TRABD2B: variants seen among roughly 807,000 people sequenced by gnomAD.
TRABD2B encodes the protein metalloprotease TIKI2.
A neutral mutation model predicts 40.1 loss-of-function variants in TRABD2B; 14 were observed. That is an observed-to-expected ratio of 0.35 (90% CI 0.23 to 0.55). TRABD2B has a LOEUF of 0.55. TRABD2B is among the 20% of genes least tolerant of loss of function. TRABD2B has a pLI of 0.90. For synonymous variants in TRABD2B, 263 were observed against 277.0 expected, an observed-to-expected ratio of 0.95 and a Z score of 0.50; for missense variants, 541 against 648.6, an observed-to-expected ratio of 0.83 and a Z score of 1.80.
At chr1:47,970,565 T>C (rs1570391707) in intron 2 of TRABD2B, among the ~76,000 whole-genome samples, 1 of 152,342 alleles carries the variant, frequency 6.6e-6, no homozygotes. Context: ...GCCCTTCTCA[T>C]CTGTACTGGT....
chr1:47,820,867 TC>T, intron 2 of TRABD2B, among the ~76,000 whole-genome samples: 1 of 152,126 alleles, frequency 6.6e-6, no homozygotes, highest in Non-Finnish European at 1.5e-5. Flanking sequence ...AATTATTATT[TC>T]AGTTTTTAAA....
At chr1:47,849,775 C>T (rs1027050689) in intron 2 of TRABD2B, among the ~76,000 whole-genome samples, 8 of 152,332 alleles carry the variant, frequency 5.3e-5, no homozygotes, top group South Asian at 4.1e-4. Context: ...CCCCTGAAGG[C>T]CAACGTGGCT....
intron 2 of TRABD2B, among the ~76,000 whole-genome samples, chr1:47,950,305 A>C (rs1570351412): frequency 6.6e-6 from 1 of 152,070 alleles, no homozygotes; most frequent in East Asian, 1.9e-4. Context: ...AAAAATAATA[A>C]TAAAAAGAAA....
Position 47,993,554 on chromosome 1 carries a change from A to G in TRABD2B, c.666+480T>C, listed in dbSNP as rs1195758881. 2.6e-5 allele frequency among the ~76,000 whole-genome samples: 4 copies of G among 151,966 alleles called. No individual in the cohort carries two copies. The East Asian group carries it at 7.8e-4, about 30-fold the overall frequency. On this transcript the variant is annotated intron_variant, in intron 2 of 6. Coordinates refer to ENST00000606738, the MANE Select transcript of TRABD2B (RefSeq NM_001194986.2). ...TGCTTAACCTCAAATGGCAAGCAGCACTCTACTGTCGCCAGGTCCCAGGCA... is the reference window on the plus strand; with the variant it reads ...TGCTTAACCTCAAATGGCAAGCAGCGCTCTACTGTCGCCAGGTCCCAGGCA...
At chr1:47,971,449 G>A (rs548739059) in intron 2 of TRABD2B, among the ~76,000 whole-genome samples, 10 of 152,122 alleles carry the variant, frequency 6.6e-5, no homozygotes, top group African/African-American at 9.7e-5. Context: ...GATCTCTCTC[G>A]CCAATCTGAA....
chr1:47,984,505 G>A lies in TRABD2B; in HGVS notation c.666+9529C>T, dbSNP rs115515590. Among the ~76,000 whole-genome samples, 670 of 152,372 alleles carry A rather than the reference G, an allele frequency of 4.4e-3. 4 individuals are homozygous for A. The highest frequency in any genetic ancestry group is 0.015 in the African/African-American group (631 of 41,590). ...GGCACAGTCATGCAAGCCTCCCGGGGGAGCGCCAAGGTGAACTGGAGGTGG... is the reference window on the plus strand; with the variant it reads ...GGCACAGTCATGCAAGCCTCCCGGGAGAGCGCCAAGGTGAACTGGAGGTGG... On this transcript the variant is annotated intron_variant, in intron 2 of 6. Transcript: ENST00000606738.
intron 2 of TRABD2B, among the ~76,000 whole-genome samples, chr1:47,854,169 G>C (rs1292147604): frequency 3.9e-5 from 6 of 152,166 alleles, no homozygotes; most frequent in Non-Finnish European, 8.8e-5. Context: ...TGTAAAATGG[G>C]GACGGTCTCC....
At position 47,851,745 on chromosome 1, in the gene TRABD2B, C is replaced by T. The variant is rs563117590; in HGVS notation, c.667-50126G>A. On this transcript the variant is annotated intron_variant, in intron 2 of 6. Transcript: ENST00000606738. ...TGTGTACATATCCCACAGAGGCTGA[C>T]CTACTAAGTACTAGACATGAGCAAA... Among the ~76,000 whole-genome samples the T allele has an allele frequency of 2.8e-4, 43 of 152,342 alleles. 1 individual carries two copies. The highest frequency in any genetic ancestry group is 3.4e-3 in the Middle Eastern group (1 of 294).
At chr1:47,961,599 G>A (rs919418155) in intron 2 of TRABD2B, among the ~76,000 whole-genome samples, 2 of 152,158 alleles carry the variant, frequency 1.3e-5, no homozygotes, top group Non-Finnish European at 2.9e-5. Flanking sequence ...GCAACCAACA[G>A]ACATGTGAAA....
chr1:47,818,765 G>A (rs556527006), intron 2 of TRABD2B: 1 of 152,350 alleles, frequency 6.6e-6, no homozygotes, highest in East Asian at 1.9e-4. Flanking sequence ...AGAATCACAG[G>A]CGGGTGGAAT....
At chr1:47,820,729 G>A (rs1459624215) in intron 2 of TRABD2B, among the ~76,000 whole-genome samples, 7 of 151,464 alleles carry the variant, frequency 4.6e-5, no homozygotes, top group Non-Finnish European at 1.0e-4. Flanking sequence ...GGTGGGAATA[G>A]CAACGTTAAG....
chr1:47,835,426 G>A (rs1473073303), intron 2 of TRABD2B, among the ~76,000 whole-genome samples: 2 of 152,068 alleles, frequency 1.3e-5, no homozygotes, highest in African/African-American at 4.8e-5. Flanking sequence ...ACACAACCAA[G>A]AAGCTCAGTG....
At chr1:47,984,507 A>G (rs560342703) in intron 2 of TRABD2B, among the ~76,000 whole-genome samples, 66 of 152,226 alleles carry the variant, frequency 4.3e-4, no homozygotes, top group African/African-American at 1.6e-3. Flanking sequence ...CTCCCGGGGG[A>G]GCGCCAAGGT....
chr1:47,946,162 A>T (rs566246224), intron 2 of TRABD2B, among the ~76,000 whole-genome samples: 7 of 152,260 alleles, frequency 4.6e-5, no homozygotes, highest in Non-Finnish European at 1.0e-4. Context: ...ATCTTTTATT[A>T]TGGTACTTAC....
At chr1:47,909,507 AAGG>A (rs1297351746) in intron 2 of TRABD2B, among the ~76,000 whole-genome samples, 1 of 72,768 alleles carries the variant, frequency 1.4e-5, no homozygotes, top group Non-Finnish European at 2.9e-5. Context: ...GAAGGAGGAG[AAGG>A]AGAAGGGGGA....
intron 3 of TRABD2B, among the ~76,000 whole-genome samples, chr1:47,799,488 T>C (rs963444269): frequency 2.6e-5 from 4 of 152,112 alleles, no homozygotes; most frequent in African/African-American, 9.7e-5. Context: ...TCTCTTTCAT[T>C]CTCTATGCTG....
chr1:47,768,124 C>G (rs1377701243), intron 6 of TRABD2B, among the ~76,000 whole-genome samples: 3 of 152,260 alleles, frequency 2.0e-5, no homozygotes, highest in African/African-American at 7.2e-5. Context: ...CCCCATCCCT[C>G]TCTCCCTTTA....
rs1319248396 is a variant in TRABD2B, at chr1:47,874,463, G to A, written c.667-72844C>T. ...AATTTTTTGTATTTTTAGTAGAGACGGGGTTTCACCTTGTTAGCCAGGATG... is the reference window on the plus strand; with the variant it reads ...AATTTTTTGTATTTTTAGTAGAGACAGGGTTTCACCTTGTTAGCCAGGATG... On this transcript the variant is annotated intron_variant, in intron 2 of 6. Coordinates refer to ENST00000606738, the MANE Select transcript of TRABD2B (RefSeq NM_001194986.2). Among the ~76,000 whole-genome samples, 41 of 149,584 alleles carry A rather than the reference G, an allele frequency of 2.7e-4. No individual in the cohort carries two copies. The Middle Eastern group carries it at 0.01, about 38-fold the overall frequency.
Position 47,904,297 on chromosome 1 carries a change from G to C in TRABD2B, c.666+89737C>G, listed in dbSNP as rs140662746. ...AAATAGCATGATCAATGGCTGGGAT[G>C]GGGGAAGCACAGAGTGTGGTGGAGG... On this transcript the variant is annotated intron_variant, in intron 2 of 6. Coordinates refer to ENST00000606738, the MANE Select transcript of TRABD2B (RefSeq NM_001194986.2). 2.3e-3 allele frequency among the ~76,000 whole-genome samples: 347 copies of C among 152,272 alleles called. 2 individuals carry two copies. Among genetic ancestry groups the C allele is most frequent in the African/African-American group, 7.9e-3 (330 of 41,552 alleles).
Sources: gnomAD v4.1 joint callset for allele counts (sites outside exome capture counted in the v4.1 genomes callset) on GRCh38, gnomAD v4.1.1 for gene constraint, MANE v1.5 for transcripts, NCBI Gene and HGNC (gene_info 2026-07-23, HGNC 2026-07-21) for gene names.